Variants in CYLC2 observed in about 807,000 individuals in gnomAD.
The protein encoded by CYLC2 is cylicin-2.
In CYLC2, 30 loss-of-function variants were observed where a neutral mutation model predicts 26.1. The observed-to-expected ratio is 1.15, with a 90% CI of 0.86 to 1.56. CYLC2 has a LOEUF of 1.56. CYLC2 is among the 40% of genes most tolerant of loss of function. The probability of loss-of-function intolerance (pLI) is 0.00; values close to 1 mark genes in which losing one functional copy is unlikely to be tolerated. For missense variants in CYLC2, 498 were observed against 394.4 expected, an observed-to-expected ratio of 1.26 and a Z score of -2.23; for synonymous variants, 158 against 132.8, an observed-to-expected ratio of 1.19 and a Z score of -1.31.
intron 6 of CYLC2, among the ~76,000 whole-genome samples, chr9:103,013,758 AATTATATTTTATATTATATATTATATG>A (rs1337381020): frequency 1.1e-4 from 12 of 110,916 alleles, no homozygotes; most frequent in African/African-American, 4.1e-4. Flanking sequence ...TATTATATAT[AATTATATTTTATATTATATATTATATG>A]ATTATATTTT....
At position 103,007,203 on chromosome 9, in the gene CYLC2, C is replaced by T. The variant is rs12235843; in HGVS notation, c.*700+825C>T. ...ATATTCAAAGAACATGGAGAGACAA[C>T]GAAATAAATGAAGCTTTAAAAAGTG... On this transcript the variant is annotated intron_variant, in intron 5 of 7. Coordinates refer to ENST00000374798, the MANE Select transcript of CYLC2 (RefSeq NM_001340.5). 0.011 allele frequency among the ~76,000 whole-genome samples: 1,655 copies of T among 151,868 alleles called. 100 individuals are homozygous for T. The East Asian group carries it at 0.2, about 18-fold the overall frequency.
chr9:103,013,060 T>A (rs979144872), intron 6 of CYLC2, among the ~76,000 whole-genome samples: 12 of 145,870 alleles, frequency 8.2e-5, no homozygotes, highest in African/African-American at 3.0e-4. Context: ...ACTTAAAAAC[T>A]AATTGTATAT....
intron 5 of CYLC2, chr9:103,010,888 A>G (rs1433954381): frequency 6.6e-6 from 1 of 152,070 alleles, no homozygotes; most frequent in Non-Finnish European, 1.5e-5. Flanking sequence ...GAAATTAAAA[A>G]TATGCATAGA....
Position 103,003,128 on chromosome 9 carries a change from C to A in CYLC2, c.59-14C>A, listed in dbSNP as rs926687711. 4 of 1,610,852 alleles carry A rather than the reference C, an allele frequency of 2.5e-6. No individual in the cohort carries two copies. Among genetic ancestry groups the A allele is most frequent in the Non-Finnish European group, 3.4e-6 (4 of 1,178,816 alleles). On this transcript the variant is annotated splice_polypyrimidine_tract_variant and intron_variant, in intron 2 of 7. Transcript: ENST00000374798. ...ATTCACTCCAAAATGTGTTTTTTGTCTCCCTTATTTTAGTCAGTGAATTAA... is the reference window on the plus strand; with the variant it reads ...ATTCACTCCAAAATGTGTTTTTTGTATCCCTTATTTTAGTCAGTGAATTAA...
chr9:103,011,183 T>C (rs1272619354), intron 5 of CYLC2, among the ~76,000 whole-genome samples: 1 of 152,060 alleles, frequency 6.6e-6, no homozygotes, highest in African/African-American at 2.4e-5. Context: ...TAAAAGGCTT[T>C]GTTTTTATTA....
At chr9:103,013,263 TATATATATTATATATAACACATTAA>T in intron 6 of CYLC2, among the ~76,000 whole-genome samples, 1 of 96,814 alleles carries the variant, frequency 1.0e-5, no homozygotes, top group African/African-American at 4.3e-5. Context: ...TTTAATGTGT[TATATATATTATATATAACACATTAA>T]ATATATATTT....
In CYLC2 at chr9:103,014,424, A is replaced by AATGTATATTACGTAATAT. The variant is rs1564101119; in HGVS notation, c.*816+2328_*816+2329insTGTATATTACGTAATATA. 4.9e-3 allele frequency among the ~76,000 whole-genome samples: 471 copies of AATGTATATTACGTAATAT among 96,344 alleles called. 18 individuals are homozygous for AATGTATATTACGTAATAT. The highest frequency in any genetic ancestry group is 0.013 in the African/African-American group (389 of 29,176). 63.2% of individuals were successfully genotyped at this position (96,344 alleles called of 152,430 possible). ...TGTATGTTACGTAATGTAACATAAT[A>AATGTATATTACGTAATAT]ACATAATGTATATTACATAATATAC... On this transcript the variant is annotated intron_variant, in intron 6 of 7. Coordinates refer to ENST00000374798, the MANE Select transcript of CYLC2 (RefSeq NM_001340.5).
rs1829347828 is a variant in CYLC2, at chr9:103,006,181, A to C, written c.*503A>C. 6.6e-6 allele frequency: 1 copy of C among 152,180 alleles called. No homozygotes were observed. The highest frequency in any genetic ancestry group is 1.5e-5 in the Non-Finnish European group (1 of 68,170). 9.4% of individuals were successfully genotyped at this position (152,180 alleles called of 1,614,324 possible). On this transcript the variant is annotated 3_prime_UTR_variant, in exon 5 of 8. Coordinates refer to ENST00000374798, the MANE Select transcript of CYLC2 (RefSeq NM_001340.5). The stretch of plus-strand genomic sequence containing the variant: ...AAAAAAATATAGGAGCCATGAAATG[A>C]AGTTAAACACCTTGTAGAAAGCCTA...
chr9:103,007,215 A>G (rs1235723875), intron 5 of CYLC2, among the ~76,000 whole-genome samples: 1 of 152,168 alleles, frequency 6.6e-6, no homozygotes. Flanking sequence ...AAATAAATGA[A>G]GCTTTAAAAA....
chr9:103,003,569 C>T (rs1829310043), intron 3 of CYLC2, among the ~76,000 whole-genome samples: 1 of 152,124 alleles, frequency 6.6e-6, no homozygotes, highest in Non-Finnish European at 1.5e-5. Flanking sequence ...ATGAAATGCC[C>T]TACTGAACAG....
At chr9:103,013,943 A>G (rs1331317865) in intron 6 of CYLC2, among the ~76,000 whole-genome samples, 1 of 115,258 alleles carries the variant, frequency 8.7e-6, no homozygotes, top group East Asian at 2.8e-4. Context: ...ATTATTTAAT[A>G]TAATACTATA....
chr9:103,018,085 A>G (rs1440964292), intron 7 of CYLC2, among the ~76,000 whole-genome samples: 1 of 152,038 alleles, frequency 6.6e-6, no homozygotes, highest in East Asian at 1.9e-4. Context: ...ATATGAGATC[A>G]GTTTTTTAGT....
At chr9:103,000,904 G>A (rs947801063) in intron 1 of CYLC2, among the ~76,000 whole-genome samples, 6 of 151,970 alleles carry the variant, frequency 3.9e-5, no homozygotes, top group African/African-American at 1.2e-4. Context: ...ACACTCCTTC[G>A]TGGGAACAAA....
intron 6 of CYLC2, among the ~76,000 whole-genome samples, chr9:103,013,974 T>G (rs1426158045): frequency 8.7e-6 from 1 of 114,982 alleles, no homozygotes; most frequent in Non-Finnish European, 1.6e-5. Flanking sequence ...TATTATATTA[T>G]ATATTATTTA....
In CYLC2 at chr9:103,005,220, A is replaced by C. The variant is rs2118238935; in HGVS notation, c.589A>C (p.Asn197His). 6.2e-7 allele frequency: 1 copy of C among 1,610,272 alleles called. No individual in the cohort carries two copies. The highest frequency in any genetic ancestry group is 2.2e-5 in the East Asian group (1 of 44,806). The change falls in exon 5 of 8, where the codon AAC (asparagine) becomes CAC (histidine). Residue 197 changes from asparagine to histidine, a missense_variant. Transcript: ENST00000374798. The stretch of plus-strand genomic sequence containing the variant: ...TAACAAAAAAGATAAAAAGGATTCA[A>C]ACAAAGGCAAAGACTCGGCAACAGA... ...KDNKKDKKDS[N>H]KGKDSATESE... is the part of the protein sequence containing the mutation.
chr9:103,000,093 T>C (rs1235301015), intron 1 of CYLC2, among the ~76,000 whole-genome samples: 1 of 151,880 alleles, frequency 6.6e-6, no homozygotes, highest in African/African-American at 2.4e-5. Context: ...ATTAAAACTG[T>C]AAGTTATTCT....
At chr9:103,000,643 G>A (rs543616779) in intron 1 of CYLC2, among the ~76,000 whole-genome samples, 30 of 152,026 alleles carry the variant, frequency 2.0e-4, no homozygotes, top group South Asian at 4.2e-4. Context: ...AATGTGCCAC[G>A]TTTTATGCTG....
chr9:103,017,587 T>G lies in CYLC2; in HGVS notation c.*890+626T>G, dbSNP rs191806616. Among the ~76,000 whole-genome samples the G allele has an allele frequency of 3.0e-3, 456 of 152,178 alleles. 2 individuals are homozygous for G. The highest frequency in any genetic ancestry group is 0.011 in the South Asian group (51 of 4,824). On this transcript the variant is annotated intron_variant, in intron 7 of 7. Coordinates refer to ENST00000374798, the MANE Select transcript of CYLC2 (RefSeq NM_001340.5). ...TTATACAAACCTACATGTTAACATATTCACAATATCTATTTTCCTAAACCC... is the reference window on the plus strand; with the variant it reads ...TTATACAAACCTACATGTTAACATAGTCACAATATCTATTTTCCTAAACCC...
intron 5 of CYLC2, among the ~76,000 whole-genome samples, chr9:103,009,469 G>T (rs190918256): frequency 6.6e-6 from 1 of 152,048 alleles, no homozygotes. Context: ...CTCCCCAAGT[G>T]CTTGGATTAC....
Sources: allele counts gnomAD v4.1 joint callset (sites outside exome capture counted in the v4.1 genomes callset), GRCh38; gene constraint gnomAD v4.1.1; transcripts MANE v1.5; gene names NCBI Gene and HGNC (gene_info 2026-07-23, HGNC 2026-07-21).